UGT3A1: variants seen among roughly 807,000 people sequenced by gnomAD.
The protein encoded by UGT3A1 is UDP-glycosyltransferase 3A1.
UGT3A1 carries 40 observed loss-of-function variants against 37.6 expected under a neutral mutation model. That is an observed-to-expected ratio of 1.06 (90% CI 0.83 to 1.38). UGT3A1 has a LOEUF of 1.38. UGT3A1 is among the 40% of genes most tolerant of loss of function. The probability of loss-of-function intolerance (pLI) is 0.00; values close to 1 mark genes in which losing one functional copy is unlikely to be tolerated. For synonymous variants in UGT3A1, 256 were observed against 232.3 expected (o/e 1.10, Z -0.93); for missense variants, 642 against 634.2 (o/e 1.01, Z -0.13).
intron 2 of UGT3A1, among the ~76,000 whole-genome samples, chr5:35,985,079 T>TAAAA (rs59401195): frequency 0.18 from 20,725 of 115,526 alleles, 1,892 homozygotes; most frequent in Non-Finnish European, 0.19. Flanking sequence ...ACATAAAATA[T>TAAAA]AAAAAAAAAA....
chr5:35,969,307 A>G (rs1436386715), intron 2 of UGT3A1, among the ~76,000 whole-genome samples: 2 of 152,202 alleles, frequency 1.3e-5, no homozygotes, highest in Non-Finnish European at 2.9e-5. Flanking sequence ...GAACAGAATT[A>G]TTAGGAAAAG....
At chr5:35,968,318 TTTATCA>T (rs1739897681) in intron 2 of UGT3A1, among the ~76,000 whole-genome samples, 185 bp from the exon 3 acceptor site, 2 of 152,224 alleles carry the variant, frequency 1.3e-5, no homozygotes, top group Admixed American at 1.3e-4. Flanking sequence ...ATATTGAGAC[TTTATCA>T]TTATCCAGGC....
chr5:35,993,740 A>C (rs1057274775), upstream of UGT3A1, among the ~76,000 whole-genome samples: 17 of 152,206 alleles, frequency 1.1e-4, no homozygotes, highest in African/African-American at 4.1e-4. Context: ...AGTGAAAGTG[A>C]CCCAGCCTGC....
At chr5:35,978,573 A>T (rs1740392359) in intron 2 of UGT3A1, among the ~76,000 whole-genome samples, 1 of 152,148 alleles carries the variant, frequency 6.6e-6, no homozygotes, top group Admixed American at 6.6e-5. Flanking sequence ...TCACAAGAAC[A>T]GCATGGGAAA....
At chr5:35,958,982 C>A (rs1739466201) in intron 4 of UGT3A1, among the ~76,000 whole-genome samples, 1 of 152,196 alleles carries the variant, frequency 6.6e-6, no homozygotes, top group Non-Finnish European at 1.5e-5. Flanking sequence ...AGGGATACTG[C>A]AGACCTATGA....
chr5:35,989,599 A>C (rs943300452), intron 1 of UGT3A1, among the ~76,000 whole-genome samples: 2 of 152,230 alleles, frequency 1.3e-5, no homozygotes, highest in Non-Finnish European at 2.9e-5. Flanking sequence ...ATGTAAGAAC[A>C]GGGACTCAGG....
chr5:35,994,331 GTT>G (rs1491129630), upstream of UGT3A1, among the ~76,000 whole-genome samples: 6 of 130,448 alleles, frequency 4.6e-5, no homozygotes, highest in East Asian at 4.7e-4. Flanking sequence ...GTTTTGTTTT[GTT>G]TGTGTGTGTG....
chr5:36,000,773 T>C (rs1189607250), intron 1 of UGT3A1, among the ~76,000 whole-genome samples: 7 of 152,244 alleles, frequency 4.6e-5, no homozygotes. Flanking sequence ...CAGCAACTCC[T>C]GTCTTAGAAA....
chr5:35,995,545 C>T (rs1400019418), upstream of UGT3A1, among the ~76,000 whole-genome samples: 1 of 152,166 alleles, frequency 6.6e-6, no homozygotes, highest in African/African-American at 2.4e-5. Flanking sequence ...TCATTCAGAC[C>T]TTTATCAGCT....
At chr5:35,959,080 A>T (rs1372573767) in intron 4 of UGT3A1, among the ~76,000 whole-genome samples, 1 of 152,238 alleles carries the variant, frequency 6.6e-6, no homozygotes, top group Non-Finnish European at 1.5e-5. Flanking sequence ...TTGGGAAATT[A>T]AGGCATTCAA....
chr5:35,985,886 A>T (rs996738894), intron 2 of UGT3A1, among the ~76,000 whole-genome samples: 3 of 152,218 alleles, frequency 2.0e-5, no homozygotes. Context: ...AAGCTTCTGC[A>T]CAGCAAAGGA....
At chr5:35,985,866 T>A (rs907383134) in intron 2 of UGT3A1, among the ~76,000 whole-genome samples, 2 of 152,022 alleles carry the variant, frequency 1.3e-5, no homozygotes, top group African/African-American at 4.8e-5. Context: ...TGGGATTACA[T>A]CAAGCCAAAA....
chr5:35,990,860 C>A lies in UGT3A1; in HGVS notation c.94+287G>T. 3.4e-6 allele frequency: 4 copies of A among 1,174,842 alleles called. No homozygotes were observed. The South Asian group carries it at 7.1e-5, about 21-fold the overall frequency. The allele number at this position is 1,174,842 out of a possible 1,614,324, so 72.8% of individuals were successfully genotyped here. Reference sequence around the variant, plus strand: ...GCAGCCCAGGAACTCAAGCTCTGGTCCTGGTCTCAAATTTCTGGCCCCAGT... The same window carrying A: ...GCAGCCCAGGAACTCAAGCTCTGGTACTGGTCTCAAATTTCTGGCCCCAGT... On this transcript the variant is annotated intron_variant, in intron 1 of 6. Coordinates refer to ENST00000274278, the MANE Select transcript of UGT3A1 (RefSeq NM_152404.4).
intron 3 of UGT3A1, among the ~76,000 whole-genome samples, chr5:35,967,457 ATC>A (rs1247234271): frequency 6.6e-6 from 1 of 152,234 alleles, no homozygotes; most frequent in Non-Finnish European, 1.5e-5. Context: ...TCTCAGGCTC[ATC>A]TCTCATTGTA....
At chr5:35,997,791 A>C (rs769261758) in intron 1 of UGT3A1, among the ~76,000 whole-genome samples, 2 of 152,198 alleles carry the variant, frequency 1.3e-5, no homozygotes, top group Non-Finnish European at 2.9e-5. Context: ...TCCTTTGTTC[A>C]GACACACTGT....
chr5:35,969,505 T>C (rs1029366145), intron 2 of UGT3A1, among the ~76,000 whole-genome samples: 6 of 151,958 alleles, frequency 3.9e-5, no homozygotes, highest in African/African-American at 1.5e-4. Flanking sequence ...AAAGTACACC[T>C]GATAACAACC....
intron 2 of UGT3A1, among the ~76,000 whole-genome samples, chr5:35,985,261 A>G (rs548728466): frequency 6.4e-4 from 97 of 152,162 alleles, no homozygotes; most frequent in African/African-American, 2.3e-3. Flanking sequence ...AAGAATAAAT[A>G]TTGTTAAAAT....
intron 3 of UGT3A1, among the ~76,000 whole-genome samples, 161 bp downstream of exon 3, chr5:35,967,858 T>C (rs1170333291): frequency 6.6e-6 from 1 of 152,162 alleles, no homozygotes; most frequent in Non-Finnish European, 1.5e-5. Context: ...CAACTGTCCA[T>C]CCATCTATCC....
At chr5:35,981,355 A>G (rs1740515075) in intron 2 of UGT3A1, among the ~76,000 whole-genome samples, 1 of 152,214 alleles carries the variant, frequency 6.6e-6, no homozygotes, top group South Asian at 2.1e-4. Context: ...CCCTTGTTGA[A>G]TGATTTTGAC....
Sources: allele counts gnomAD v4.1 joint callset (sites outside exome capture counted in the v4.1 genomes callset), GRCh38; gene constraint gnomAD v4.1.1; transcripts MANE v1.5; gene names NCBI Gene and HGNC (gene_info 2026-07-23, HGNC 2026-07-21).